The following IL1RN variants were observed in gnomAD, a reference collection of about 807,000 sequenced individuals.
IL1RN encodes the protein interleukin-1 receptor antagonist protein.
Under a neutral mutation model 13.7 loss-of-function variants are expected in IL1RN, and 10 were observed. The ratio of observed to expected loss-of-function variants is 0.73; its 90% CI spans 0.45 to 1.24. The LOEUF is 1.24. Among genes scored for constraint, IL1RN ranks in the 50% most tolerant of loss-of-function variants. The probability of loss-of-function intolerance (pLI) is 0.00; values close to 1 mark genes in which losing one functional copy is unlikely to be tolerated. For synonymous variants in IL1RN, 102 were observed against 82.7 expected (o/e 1.23, Z -1.27); for missense variants, 213 against 222.1 (o/e 0.96, Z 0.26).
chr2:113,103,331 T>A (rs1262789388), upstream of IL1RN, among the ~76,000 whole-genome samples: 3 of 152,226 alleles, frequency 2.0e-5, no homozygotes, highest in Non-Finnish European at 4.4e-5. Flanking sequence ...AAAAGGATTT[T>A]GCAGGTGGGA....
chr2:113,126,082 GCCA>G (rs1359890051), upstream of IL1RN, among the ~76,000 whole-genome samples: 2 of 152,204 alleles, frequency 1.3e-5, no homozygotes, highest in Admixed American at 6.5e-5. Context: ...ACAGGTGTGA[GCCA>G]CCGTGCCCAG....
chr2:113,102,733 A>G (rs13390577), upstream of IL1RN, among the ~76,000 whole-genome samples: 30,787 of 151,760 alleles, frequency 0.2, 4,628 homozygotes, highest in African/African-American at 0.42. Context: ...GGGGGTCACA[A>G]GGTGCTCAGT....
At chr2:113,118,868 C>T (rs985903741) in intron 1 of IL1RN, among the ~76,000 whole-genome samples, 5 of 152,076 alleles carry the variant, frequency 3.3e-5, no homozygotes, top group Non-Finnish European at 4.4e-5. Flanking sequence ...GAAACCCTGT[C>T]TCTATTAAAA....
At chr2:113,127,771 G>A (rs1687015842) in intron 1 of IL1RN, 31 bp downstream of exon 1, 1 of 1,608,220 alleles carries the variant, frequency 6.2e-7, no homozygotes, top group Non-Finnish European at 8.5e-7. Flanking sequence ...AGAAGGTGAG[G>A]GTGGATCAGC....
upstream of IL1RN, among the ~76,000 whole-genome samples, chr2:113,102,450 G>A (rs1182875213): frequency 1.3e-5 from 2 of 152,198 alleles, no homozygotes; most frequent in Non-Finnish European, 2.9e-5. Flanking sequence ...TTCACACAGA[G>A]CTATTGCAAT....
chr2:113,118,384 T>C (rs1405651114), intron 1 of IL1RN, among the ~76,000 whole-genome samples: 1 of 152,138 alleles, frequency 6.6e-6, no homozygotes, highest in East Asian at 1.9e-4. Flanking sequence ...GAAAGAACAG[T>C]GTGAGCTCAA....
At chr2:113,110,844 G>A (rs1209688441), upstream of IL1RN, among the ~76,000 whole-genome samples, 4 of 152,192 alleles carry the variant, frequency 2.6e-5, no homozygotes, top group African/African-American at 9.6e-5. Context: ...TGGGTAGGCT[G>A]CCTCTGGTTT....
At chr2:113,126,495 C>G (rs188018032), upstream of IL1RN, among the ~76,000 whole-genome samples, 11 of 152,330 alleles carry the variant, frequency 7.2e-5, no homozygotes, top group African/African-American at 2.6e-4. Context: ...CAGCACTGTC[C>G]ATCCTGTAGA....
upstream of IL1RN, among the ~76,000 whole-genome samples, chr2:113,108,222 CCTT>C (rs1388189445): frequency 6.6e-6 from 1 of 151,790 alleles, no homozygotes; most frequent in East Asian, 1.9e-4. Context: ...GCAGTCGAGT[CCTT>C]CTCTTATCTT....
chr2:113,127,681 C>G lies in IL1RN; in HGVS notation c.57C>G (p.Phe19Leu), dbSNP rs970470359. Residue 19 changes from phenylalanine to leucine, a missense_variant, in exon 1 of 4, where the codon TTC becomes TTG. Physicochemically the swap from Phe to Leu is conservative, Grantham distance 22 (BLOSUM62 0). Coordinates refer to ENST00000409930, the MANE Select transcript of IL1RN (RefSeq NM_173842.3). ...SHLITLLLFL[F>L]HSETICRPSG... ...TAATCACTCTCCTCCTCTTCCTGTTCCATTCAGAGACGATCTGCCGACCCT... is the reference window on the plus strand; with the variant it reads ...TAATCACTCTCCTCCTCTTCCTGTTGCATTCAGAGACGATCTGCCGACCCT... 8.1e-6 allele frequency: 13 copies of G among 1,614,014 alleles called. No individual in the cohort carries two copies. The African/African-American group carries it at 1.7e-4, about 22-fold the overall frequency.
chr2:113,099,719 C>CCTTCTTTTTTTTTTTTTTTT, the IL1RN span, among the ~76,000 whole-genome samples: 32 of 80,528 alleles, frequency 4.0e-4, 4 homozygotes, highest in South Asian at 9.3e-4. Context: ...GCATCCTCTT[C>CCTTCTTTTTTTTTTTTTTTT]TTTCTTTTCT....
upstream of IL1RN, among the ~76,000 whole-genome samples, chr2:113,106,052 G>A (rs1686382020): frequency 6.6e-6 from 1 of 152,112 alleles, no homozygotes; most frequent in Non-Finnish European, 1.5e-5. Context: ...AGTTGTTAAT[G>A]GCTTATTTTA....
At chr2:113,123,134 A>G (rs1686837598), upstream of IL1RN, among the ~76,000 whole-genome samples, 1 of 152,234 alleles carries the variant, frequency 6.6e-6, no homozygotes, top group Non-Finnish European at 1.5e-5. Context: ...TCAAAAAAAT[A>G]AATAAATAAA....
intron 1 of IL1RN, among the ~76,000 whole-genome samples, chr2:113,111,804 A>C (rs928959079): frequency 6.6e-6 from 1 of 152,282 alleles, no homozygotes; most frequent in Non-Finnish European, 1.5e-5. Context: ...GTGTGCACAC[A>C]CAAAAACCAT....
intron 2 of IL1RN, among the ~76,000 whole-genome samples, chr2:113,121,144 T>TG (rs1243099565): frequency 7.4e-5 from 3 of 40,518 alleles, no homozygotes; most frequent in African/African-American, 1.7e-4. Flanking sequence ...CTTCATCGTC[T>TG]TCGTCTTCGT....
chr2:113,107,386 G>A (rs1686403017), upstream of IL1RN: 1 of 152,178 alleles, frequency 6.6e-6, no homozygotes, highest in Non-Finnish European at 1.5e-5. Flanking sequence ...CTTGAAAATG[G>A]TGAGAGAAAA....
At chr2:113,112,777 G>A (rs1471422567) in intron 1 of IL1RN, among the ~76,000 whole-genome samples, 1 of 152,200 alleles carries the variant, frequency 6.6e-6, no homozygotes, top group Non-Finnish European at 1.5e-5. Context: ...TTCTGGAGGT[G>A]TGAAGACTAT....
chr2:113,132,249 C>T (rs1190126153), intron 3 of IL1RN, among the ~76,000 whole-genome samples: 1 of 152,192 alleles, frequency 6.6e-6, no homozygotes, highest in Non-Finnish European at 1.5e-5. Flanking sequence ...GAGTTTGAGA[C>T]CAGCCTGGCC....
chr2:113,127,349 C>A, upstream of IL1RN: 2 of 538,432 alleles, frequency 3.7e-6, no homozygotes, highest in Non-Finnish European at 4.7e-6. Context: ...CTCTTCTTCC[C>A]AGGAACTCAA....
Sources: gnomAD v4.1 joint callset for allele counts (sites outside exome capture counted in the v4.1 genomes callset) on GRCh38, gnomAD v4.1.1 for gene constraint, MANE v1.5 for transcripts, NCBI Gene and HGNC (gene_info 2026-07-23, HGNC 2026-07-21) for gene names.